The following VPS13C variants were observed in gnomAD, a reference collection of about 807,000 sequenced individuals.
VPS13C encodes intermembrane lipid transfer protein VPS13C.
Under a neutral mutation model 456.8 loss-of-function variants are expected in VPS13C, and 358 were observed. That is an observed-to-expected ratio of 0.78 (90% CI 0.72 to 0.86). The LOEUF (loss-of-function observed/expected upper bound fraction) is 0.86, where lower values mean the gene tolerates loss of function less well. Among genes scored for constraint, VPS13C ranks in the 40% least tolerant of loss-of-function variants. The pLI, the probability that VPS13C is intolerant of heterozygous loss-of-function variation, is 0.00. For missense variants in VPS13C, 4,818 were observed against 4,385.4 expected (o/e 1.10, Z -2.79); for synonymous variants, 1,578 against 1,486.7 (o/e 1.06, Z -1.41).
chr15:61,982,141 A>G (rs1392348938), intron 21 of VPS13C, among the ~76,000 whole-genome samples: 1 of 152,224 alleles, frequency 6.6e-6, no homozygotes, highest in African/African-American at 2.4e-5. Flanking sequence ...CTTTCAAACT[A>G]TATTCACACA....
chr15:61,876,361 G>GA (rs952183077), intron 75 of VPS13C, among the ~76,000 whole-genome samples: 7 of 151,600 alleles, frequency 4.6e-5, no homozygotes, highest in Non-Finnish European at 7.4e-5. Context: ...GTAATTGTTA[G>GA]TTTTTTTTAG....
At chr15:61,989,289 A>AAAAC in intron 18 of VPS13C, among the ~76,000 whole-genome samples, 1 of 151,874 alleles carries the variant, frequency 6.6e-6, no homozygotes, top group African/African-American at 2.4e-5. Context: ...AATTCCAGCT[A>AAAAC]CTCGGGTGGC....
intron 18 of VPS13C, among the ~76,000 whole-genome samples, chr15:61,985,647 C>T (rs2046025766): frequency 6.6e-6 from 1 of 152,138 alleles, no homozygotes; most frequent in Non-Finnish European, 1.5e-5. Flanking sequence ...CTGAAACAAA[C>T]TAAGTATTTC....
chr15:61,934,572 T>A (rs75948600), intron 48 of VPS13C, among the ~76,000 whole-genome samples: 4,851 of 151,556 alleles, frequency 0.032, 275 homozygotes, highest in African/African-American at 0.11. Flanking sequence ...TGTTAAAAAA[T>A]TTTTTTTTAA....
At chr15:62,037,877 C>T (rs1219979966) in intron 3 of VPS13C, among the ~76,000 whole-genome samples, 2 of 151,948 alleles carry the variant, frequency 1.3e-5, no homozygotes, top group East Asian at 1.9e-4. Flanking sequence ...GAAAATTTAT[C>T]CTGTTTCGAG....
At chr15:62,010,347 A>T (rs944579536) in intron 13 of VPS13C, 125 bp downstream of exon 13, 2 of 1,060,130 alleles carry the variant, frequency 1.9e-6, no homozygotes, top group Non-Finnish European at 2.5e-6. Flanking sequence ...AAAAATTTTT[A>T]AACAGTCAAA....
At chr15:61,987,924 T>C (rs1280456499) in intron 18 of VPS13C, among the ~76,000 whole-genome samples, 1 of 152,224 alleles carries the variant, frequency 6.6e-6, no homozygotes, top group East Asian at 1.9e-4. Flanking sequence ...ACCAAAGACT[T>C]GTACAAGTAT....
At chr15:61,984,493 GCTGT>G (rs2045977195) in intron 19 of VPS13C, among the ~76,000 whole-genome samples, 1 of 152,128 alleles carries the variant, frequency 6.6e-6, no homozygotes, top group Non-Finnish European at 1.5e-5. Flanking sequence ...TTACCTTAGA[GCTGT>G]CTAATGTTAT....
At chr15:62,052,403 C>T (rs1037905967) in intron 1 of VPS13C, among the ~76,000 whole-genome samples, 1 of 151,984 alleles carries the variant, frequency 6.6e-6, no homozygotes. Flanking sequence ...AGGCCTGGTG[C>T]GGTGACTCAC....
At chr15:62,055,429 G>T (rs2048756815) in intron 1 of VPS13C, among the ~76,000 whole-genome samples, 2 of 147,530 alleles carry the variant, frequency 1.4e-5, no homozygotes, top group Admixed American at 6.8e-5. Flanking sequence ...TTTTAGTGGA[G>T]ACGGGGTTTC....
intron 34 of VPS13C, 135 bp downstream of exon 34, chr15:61,962,236 C>T (rs761579572): frequency 6.0e-5 from 45 of 751,906 alleles, no homozygotes; most frequent in Non-Finnish European, 7.0e-5. Flanking sequence ...GGGTTTTGAT[C>T]TCTACATTCA....
intron 61 of VPS13C, among the ~76,000 whole-genome samples, chr15:61,914,423 G>A (rs1398466751): frequency 6.6e-6 from 1 of 151,846 alleles, no homozygotes; most frequent in Non-Finnish European, 1.5e-5. Context: ...ACAAAAATTA[G>A]CACTGTGTGG....
In VPS13C at chr15:62,014,006, G is replaced by A. The variant is rs558738141; in HGVS notation, c.685-14C>T. 5 of 1,602,662 alleles carry A rather than the reference G, an allele frequency of 3.1e-6. No homozygotes were observed. The highest frequency in any genetic ancestry group is 2.2e-5 in the East Asian group (1 of 44,712). On this transcript the variant is annotated splice_polypyrimidine_tract_variant and intron_variant, in intron 9 of 84. Transcript: ENST00000644861. ...TTCATTTGCAGTCTAAAAGAAAAAAGGGAATACCTGTGAAACGTGGTATGG... is the reference window on the plus strand; with the variant it reads ...TTCATTTGCAGTCTAAAAGAAAAAAAGGAATACCTGTGAAACGTGGTATGG...
At chr15:61,884,098 A>T in intron 68 of VPS13C, 30 bp downstream of exon 68, 1 of 1,564,668 alleles carries the variant, frequency 6.4e-7, no homozygotes, top group Non-Finnish European at 8.6e-7. Flanking sequence ...ATACACATAT[A>T]AAAATCAAAA....
intron 5 of VPS13C, among the ~76,000 whole-genome samples, chr15:62,032,622 A>G (rs2047856676): frequency 1.3e-5 from 2 of 151,842 alleles, no homozygotes; most frequent in South Asian, 4.1e-4. Flanking sequence ...TTAAGCTAGG[A>G]AAAGAAATCT....
At chr15:61,900,860 T>C (rs1224989322) in intron 66 of VPS13C, among the ~76,000 whole-genome samples, 1 of 151,498 alleles carries the variant, frequency 6.6e-6, no homozygotes, top group African/African-American at 2.4e-5. Flanking sequence ...CTTCAAACTA[T>C]ACTACAAGGC....
intron 60 of VPS13C, among the ~76,000 whole-genome samples, chr15:61,917,045 C>CAGT (rs1457638387): frequency 1.3e-5 from 2 of 152,072 alleles, no homozygotes; most frequent in African/African-American, 4.8e-5. Context: ...GACCTTGAGC[C>CAGT]AGTCACTTAA....
At chr15:62,011,753 C>T (rs2047045169) in intron 12 of VPS13C, among the ~76,000 whole-genome samples, 2 of 151,832 alleles carry the variant, frequency 1.3e-5, no homozygotes, top group East Asian at 1.9e-4. Context: ...TAAGGGTGAC[C>T]TGAATACCAG....
intron 64 of VPS13C, among the ~76,000 whole-genome samples, chr15:61,909,841 G>A (rs150390511): frequency 0.013 from 1,976 of 152,008 alleles, 81 homozygotes; most frequent in Admixed American, 0.089. Context: ...GAATAGCGCC[G>A]CTGGAAACCA....
Sources: allele counts gnomAD v4.1 joint callset (sites outside exome capture counted in the v4.1 genomes callset), GRCh38; gene constraint gnomAD v4.1.1; transcripts MANE v1.5; gene names NCBI Gene and HGNC (gene_info 2026-07-23, HGNC 2026-07-21).